Variants in BTRC observed in about 807,000 individuals in gnomAD.
The protein encoded by BTRC is F-box/WD repeat-containing protein 1A.
BTRC carries 42 observed loss-of-function variants against 85.5 expected under a neutral mutation model. The observed-to-expected ratio is 0.49, with a 90% CI of 0.38 to 0.64. The LOEUF is 0.64. Ranked by LOEUF, BTRC falls within the 30% of genes least tolerant of loss-of-function variation. The pLI is 0.00. For synonymous variants in BTRC, 255 were observed against 263.3 expected (o/e 0.97, Z 0.30); for missense variants, 594 against 743.5 (o/e 0.80, Z 2.34).
chr10:101,532,878 A>G lies in BTRC; in HGVS notation c.979-74A>G, dbSNP rs886531040. ...CTTTGATTATTTTGGGGGATCAGAC[A>G]CGTAATAGGACCAACAAGTCTCCAC... On this transcript the variant is annotated intron_variant, in intron 8 of 14. Transcript: ENST00000370187. The G allele has an allele frequency of 6.8e-6, 8 of 1,185,136 alleles. No individual in the cohort carries two copies. The African/African-American group carries it at 1.1e-4, about 16-fold the overall frequency. 73.4% of individuals were successfully genotyped at this position (1,185,136 alleles called of 1,614,324 possible).
intron 2 of BTRC, among the ~76,000 whole-genome samples, chr10:101,445,735 A>AT (rs1236562573): frequency 6.6e-6 from 1 of 152,234 alleles, no homozygotes; most frequent in Admixed American, 6.5e-5. Context: ...GATAAACCAG[A>AT]TAAGATTTAA....
intron 1 of BTRC, among the ~76,000 whole-genome samples, chr10:101,415,726 A>T (rs1943927675): frequency 6.6e-6 from 1 of 150,998 alleles, no homozygotes; most frequent in African/African-American, 2.4e-5. Context: ...TTTTTAGTAG[A>T]GACAGGGTTT....
chr10:101,539,606 T>G (rs1277999108), intron 13 of BTRC, among the ~76,000 whole-genome samples: 1 of 152,274 alleles, frequency 6.6e-6, no homozygotes, highest in Non-Finnish European at 1.5e-5. Context: ...CGTTTTTGGC[T>G]ATTAACAAAG....
At chr10:101,501,780 A>G (rs1946405648) in intron 4 of BTRC, among the ~76,000 whole-genome samples, 1 of 152,238 alleles carries the variant, frequency 6.6e-6, no homozygotes, top group Admixed American at 6.5e-5. Context: ...AGTTCTTCAA[A>G]GAAAGGATAC....
chr10:101,367,088 C>T (rs1590207883), intron 1 of BTRC, among the ~76,000 whole-genome samples: 4 of 101,816 alleles, frequency 3.9e-5, no homozygotes, highest in South Asian at 2.7e-4. Flanking sequence ...ATATTTTTTT[C>T]GAGCTAGAGT....
chr10:101,474,662 T>G (rs974038718), intron 3 of BTRC, among the ~76,000 whole-genome samples: 1 of 152,266 alleles, frequency 6.6e-6, no homozygotes. Context: ...TATGGCAGTT[T>G]TGAACTCTTA....
chr10:101,459,932 A>G (rs1945180412), intron 2 of BTRC, among the ~76,000 whole-genome samples: 1 of 152,204 alleles, frequency 6.6e-6, no homozygotes, highest in Non-Finnish European at 1.5e-5. Flanking sequence ...AAGTACCTGT[A>G]TAATAAAAAT....
At chr10:101,455,633 A>G (rs531405181) in intron 2 of BTRC, among the ~76,000 whole-genome samples, 1 of 152,302 alleles carries the variant, frequency 6.6e-6, no homozygotes, top group South Asian at 2.1e-4. Context: ...AGCCTGTTAC[A>G]TGTTAAGGGA....
intron 1 of BTRC, among the ~76,000 whole-genome samples, chr10:101,404,866 C>T (rs1414618097): frequency 2.6e-5 from 4 of 151,784 alleles, no homozygotes; most frequent in Non-Finnish European, 4.4e-5. Context: ...GGCGTGGTGG[C>T]GGGTGCCTGT....
At chr10:101,417,996 A>G (rs911596759) in intron 1 of BTRC, among the ~76,000 whole-genome samples, 1 of 152,174 alleles carries the variant, frequency 6.6e-6, no homozygotes, top group Non-Finnish European at 1.5e-5. Flanking sequence ...ATAGATTTCA[A>G]CTTTATTCAG....
intron 2 of BTRC, among the ~76,000 whole-genome samples, chr10:101,449,228 G>T (rs1228703396): frequency 2.0e-5 from 3 of 151,448 alleles, no homozygotes; most frequent in Non-Finnish European, 4.4e-5. Flanking sequence ...TAATAAAATG[G>T]TAATACCAAA....
At chr10:101,373,870 A>G (rs796990417) in intron 1 of BTRC, among the ~76,000 whole-genome samples, 52 of 151,994 alleles carry the variant, frequency 3.4e-4, no homozygotes, top group African/African-American at 1.2e-3. Context: ...ATGAGCCGAG[A>G]TCGTGCCACT....
At chr10:101,387,528 C>CTTGTTTTTTTTTTTTTTT (rs1943110687) in intron 1 of BTRC, among the ~76,000 whole-genome samples, 1 of 45,122 alleles carries the variant, frequency 2.2e-5, no homozygotes, top group Non-Finnish European at 3.4e-5. Context: ...CTTCATGGGA[C>CTTGTTTTTTTTTTTTTTT]TTTTTTTTTT....
At chr10:101,532,810 G>GCT in intron 8 of BTRC, 142 bp from the exon 9 acceptor site, 1 of 676,528 alleles carries the variant, frequency 1.5e-6, no homozygotes, top group African/African-American at 1.8e-5. Context: ...GCGCGCGCGC[G>GCT]CTTAGCTATA....
intron 3 of BTRC, among the ~76,000 whole-genome samples, chr10:101,465,822 G>A (rs1247490893): frequency 2.0e-5 from 3 of 152,202 alleles, no homozygotes; most frequent in Non-Finnish European, 4.4e-5. Flanking sequence ...AGATGGAAGA[G>A]TTTGGGGTAG....
rs1944101311 is a variant in BTRC at position 101,421,589 on chromosome 10, T to C, written c.49-8756T>C. The stretch of plus-strand genomic sequence containing the variant: ...CCATTAACTCGTCATTTACATTAGG[T>C]ATATCTCCTAATGCTATCCCTCCCC... On this transcript the variant is annotated intron_variant, in intron 1 of 14. Coordinates refer to ENST00000370187, the MANE Select transcript of BTRC (RefSeq NM_033637.4). Among the ~76,000 whole-genome samples, 4 of 149,516 alleles carry C rather than the reference T, an allele frequency of 2.7e-5. No homozygotes were observed. In the South Asian group the frequency reaches 8.7e-4, roughly 32 times the overall value.
intron 2 of BTRC, among the ~76,000 whole-genome samples, chr10:101,438,073 C>CA (rs1944577692): frequency 6.6e-6 from 1 of 152,056 alleles, no homozygotes; most frequent in Non-Finnish European, 1.5e-5. Flanking sequence ...GATTCTTTAA[C>CA]AAAAAATTCC....
At chr10:101,443,840 A>G (rs1351458520) in intron 2 of BTRC, among the ~76,000 whole-genome samples, 2 of 152,258 alleles carry the variant, frequency 1.3e-5, no homozygotes, top group African/African-American at 4.8e-5. Flanking sequence ...TAACATGGCC[A>G]TTCACAACTA....
intron 3 of BTRC, among the ~76,000 whole-genome samples, chr10:101,468,104 A>G (rs1452245840): frequency 6.6e-6 from 1 of 152,160 alleles, no homozygotes; most frequent in Non-Finnish European, 1.5e-5. Flanking sequence ...CAATTTAATA[A>G]CCGGCTTTCT....
Sources: allele counts gnomAD v4.1 joint callset (sites outside exome capture counted in the v4.1 genomes callset), GRCh38; gene constraint gnomAD v4.1.1; transcripts MANE v1.5; gene names NCBI Gene and HGNC (gene_info 2026-07-23, HGNC 2026-07-21).